The following SORCS3 variants were observed in gnomAD, a reference collection of about 807,000 sequenced individuals.
SORCS3 encodes the protein sortilin related VPS10 domain containing receptor 3.
A neutral mutation model predicts 146.3 loss-of-function variants in SORCS3; 57 were observed. The observed-to-expected ratio is 0.39, with a 90% confidence interval of 0.31 to 0.49. The LOEUF is 0.49. SORCS3 is among the 20% of genes least tolerant of loss of function. The pLI is 0.92. For synonymous variants in SORCS3, 653 were observed against 618.5 expected (o/e 1.06, Z -0.83); for missense variants, 1,341 against 1,575.5 (o/e 0.85, Z 2.52).
intron 20 of SORCS3, among the ~76,000 whole-genome samples, chr10:105,235,919 A>G (rs2056790768): frequency 6.6e-6 from 1 of 152,106 alleles, no homozygotes; most frequent in Non-Finnish European, 1.5e-5. Context: ...GCATAAATAT[A>G]TAGTAAAACT....
At chr10:105,158,035 T>C (rs1329325740) in intron 10 of SORCS3, among the ~76,000 whole-genome samples, 4 of 152,224 alleles carry the variant, frequency 2.6e-5, no homozygotes, top group Middle Eastern at 3.4e-3. Flanking sequence ...CAATGGTAAA[T>C]ACAGCAAATA....
At position 105,149,919 on chromosome 10, in the gene SORCS3, A is replaced by G. The variant is rs1010174236; in HGVS notation, c.1482+2123A>G. On this transcript the variant is annotated intron_variant, in intron 9 of 26. Transcript: ENST00000369701. ...CCACTTAAGTTGGTCTTGTGTTTTC[A>G]GTCTTATTGAAGAAAAAAATGCATG... 4.6e-5 allele frequency among the ~76,000 whole-genome samples: 7 copies of G among 152,146 alleles called. No homozygotes were observed. In the South Asian group the frequency reaches 6.2e-4, roughly 13 times the overall value.
chr10:105,170,751 G>C (rs1287959516), intron 13 of SORCS3, among the ~76,000 whole-genome samples: 1 of 152,146 alleles, frequency 6.6e-6, no homozygotes, highest in Non-Finnish European at 1.5e-5. Flanking sequence ...ACTCATTTGG[G>C]AATTATCCTT....
intron 2 of SORCS3, among the ~76,000 whole-genome samples, chr10:104,855,336 T>C (rs1379791611): frequency 6.6e-6 from 1 of 152,190 alleles, no homozygotes; most frequent in African/African-American, 2.4e-5. Flanking sequence ...GGAAGAAGCT[T>C]GTCTCTGTTT....
chr10:104,828,632 G>A (rs554543751), intron 1 of SORCS3, among the ~76,000 whole-genome samples: 2 of 152,116 alleles, frequency 1.3e-5, no homozygotes, highest in Admixed American at 6.5e-5. Flanking sequence ...AGGCTTGCTC[G>A]ACATGGGGTT....
intron 22 of SORCS3, among the ~76,000 whole-genome samples, chr10:105,251,667 A>G (rs2056899268): frequency 1.3e-5 from 2 of 152,164 alleles, no homozygotes; most frequent in South Asian, 4.2e-4. Context: ...GATGTTCTGG[A>G]TAAAAGATCT....
At chr10:105,130,558 T>G (rs1328534023) in intron 7 of SORCS3, among the ~76,000 whole-genome samples, 1 of 152,134 alleles carries the variant, frequency 6.6e-6, no homozygotes, top group African/African-American at 2.4e-5. Flanking sequence ...AACCTCAGCA[T>G]GCATCTTCCT....
intron 3 of SORCS3, among the ~76,000 whole-genome samples, chr10:104,920,700 A>G (rs940015687): frequency 1.3e-5 from 2 of 152,228 alleles, no homozygotes; most frequent in African/African-American, 4.8e-5. Context: ...TTAGACTGGG[A>G]GTACTGTCTT....
At chr10:104,948,221 C>T (rs921993971) in intron 3 of SORCS3, among the ~76,000 whole-genome samples, 3 of 152,260 alleles carry the variant, frequency 2.0e-5, no homozygotes, top group East Asian at 3.9e-4. Context: ...GGAGCATTAC[C>T]TATGCTTGAC....
At chr10:104,953,298 A>G (rs1003349359) in intron 3 of SORCS3, among the ~76,000 whole-genome samples, 4 of 152,200 alleles carry the variant, frequency 2.6e-5, no homozygotes, top group African/African-American at 9.6e-5. Context: ...CTCTGTGGCC[A>G]TACCCTTGAT....
chr10:105,067,783 C>T (rs1273653472), intron 5 of SORCS3, among the ~76,000 whole-genome samples: 3 of 152,120 alleles, frequency 2.0e-5, no homozygotes, highest in Non-Finnish European at 4.4e-5. Flanking sequence ...GATGTTAACA[C>T]GGTTGTCTAC....
chr10:105,261,082 AG>A (rs1310861932), intron 25 of SORCS3, among the ~76,000 whole-genome samples: 1 of 152,196 alleles, frequency 6.6e-6, no homozygotes. Context: ...GATAGCAGAG[AG>A]GATAGAAAAC....
intron 7 of SORCS3, among the ~76,000 whole-genome samples, chr10:105,108,261 C>T (rs1261409795): frequency 6.6e-6 from 1 of 152,056 alleles, no homozygotes; most frequent in African/African-American, 2.4e-5. Context: ...TCCTTGAGCC[C>T]ACATGAAGAT....
At chr10:104,998,272 A>G (rs370510449) in intron 4 of SORCS3, among the ~76,000 whole-genome samples, 2 of 152,092 alleles carry the variant, frequency 1.3e-5, no homozygotes, top group Non-Finnish European at 2.9e-5. Flanking sequence ...CAGATGTGTT[A>G]TGTCGGGTGG....
intron 7 of SORCS3, among the ~76,000 whole-genome samples, chr10:105,123,121 ATACAGT>A (rs1415340950): frequency 1.3e-5 from 2 of 152,260 alleles, no homozygotes; most frequent in Admixed American, 6.5e-5. Context: ...TATAAAATAG[ATACAGT>A]TAGAAGAGAT....
chr10:105,085,700 G>A (rs989753066), intron 5 of SORCS3, among the ~76,000 whole-genome samples: 10 of 152,182 alleles, frequency 6.6e-5, no homozygotes, highest in African/African-American at 2.4e-4. Context: ...GCAAACCTGA[G>A]ATGGAACTAA....
intron 4 of SORCS3, among the ~76,000 whole-genome samples, chr10:104,996,694 C>A (rs549523071): frequency 1.3e-5 from 2 of 151,950 alleles, no homozygotes; most frequent in South Asian, 4.1e-4. Context: ...AATATTGTAA[C>A]TTTAATCTGG....
chr10:105,166,611 G>C (rs531226345), intron 12 of SORCS3, among the ~76,000 whole-genome samples: 1 of 152,198 alleles, frequency 6.6e-6, no homozygotes, highest in African/African-American at 2.4e-5. Context: ...ATGAATGAGT[G>C]AATGGATGGA....
intron 5 of SORCS3, among the ~76,000 whole-genome samples, chr10:105,062,488 G>T (rs1015601625): frequency 1.3e-5 from 2 of 152,292 alleles, no homozygotes; most frequent in Middle Eastern, 3.4e-3. Context: ...AGCCCATGTT[G>T]TCAAATTTAA....
Sources: gnomAD v4.1 joint callset for allele counts (sites outside exome capture counted in the v4.1 genomes callset) on GRCh38, gnomAD v4.1.1 for gene constraint, MANE v1.5 for transcripts, NCBI Gene and HGNC (gene_info 2026-07-23, HGNC 2026-07-21) for gene names.